PRAM1: variants seen among roughly 807,000 people sequenced by gnomAD.
PRAM1 encodes the protein PML-RARA regulated adaptor molecule 1.
Under a neutral mutation model 55.3 loss-of-function variants are expected in PRAM1, and 41 were observed. The ratio of observed to expected loss-of-function variants is 0.74; its 90% CI spans 0.58 to 0.96. The LOEUF is 0.96. PRAM1 is among the 40% of genes least tolerant of loss of function. The probability of loss-of-function intolerance (pLI) is 0.00; values close to 1 mark genes in which losing one functional copy is unlikely to be tolerated. For missense variants in PRAM1, 898 were observed against 892.7 expected (o/e 1.01, Z -0.08); for synonymous variants, 401 against 387.1 (o/e 1.04, Z -0.42).
Position 8,499,272 on chromosome 19 carries a change from G to A in PRAM1, c.536C>T (p.Pro179Leu). 1 of 1,609,892 alleles carries A rather than the reference G, an allele frequency of 6.2e-7. No individual in the cohort carries two copies. The highest frequency in any genetic ancestry group is 8.5e-7 in the Non-Finnish European group (1 of 1,177,732). The change falls in exon 2 of 10, where the codon CCC (proline) becomes CTC (leucine). Residue 179 changes from proline (P) to leucine (L), a missense_variant. Physicochemically the swap from Pro to Leu is moderately conservative, Grantham distance 98. This residue lies in a region of PRAM1 where 787 missense variants were observed against 735.4 expected (regional missense o/e 1.07). Coordinates refer to ENST00000423345, the MANE Select transcript of PRAM1 (RefSeq NM_032152.5). ...TGCGCCGGATTTGGGTTCGGAGGGG[G>A]GTCTGGCGGGGTGACTGAGTTCGTC... ...QPDELSHPAR[P>L]PSEPKSGAFP...
chr19:8,498,632 T>A lies in PRAM1; in HGVS notation c.1176A>T (p.Ser392=). The change falls in exon 2 of 10, where the codon TCA becomes TCT. Residue 392 remains serine, a synonymous_variant. Coordinates refer to ENST00000423345, the MANE Select transcript of PRAM1 (RefSeq NM_032152.5). ...PPLPSSASES[S]LPAAVAGFSS... is the part of the protein sequence containing the mutation. ...TGAAGCCGGCCACGGCCGCAGGCAG[T>A]GAGCTCTCGGAAGCGGAGCTGGGGA... The A allele has an allele frequency of 6.2e-7, 1 of 1,612,398 alleles. No homozygotes were observed. Among genetic ancestry groups the A allele is most frequent in the Non-Finnish European group, 8.5e-7 (1 of 1,179,574 alleles).
Position 8,494,897 on chromosome 19 carries a change from T to A in PRAM1, c.1576+2867A>T, listed in dbSNP as rs1292857409. ...ATCCACCCGCCTTGGCCTCCCAAAG[T>A]GCTGGGATTACAGGCGTGAGCCACT... On this transcript the variant is annotated intron_variant, in intron 4 of 9. Transcript: ENST00000423345. 4.0e-5 allele frequency among the ~76,000 whole-genome samples: 6 copies of A among 150,778 alleles called. No homozygotes were observed. The East Asian group carries it at 7.8e-4, about 20-fold the overall frequency.
rs1442781488 is a variant in PRAM1 at position 8,490,315 on chromosome 19, G to C, written c.1975+23C>G. ...CCGGGGAATCGCCAGGGTCCCTCCAGCCCTCCCAGAGTGTCCACGTACCGC... is the reference window on the plus strand; with the variant it reads ...CCGGGGAATCGCCAGGGTCCCTCCACCCCTCCCAGAGTGTCCACGTACCGC... On this transcript the variant is annotated intron_variant, in intron 9 of 9. Transcript: ENST00000423345. This position sits in a 1 kb window ranked among gnomAD's most constrained non-coding sequence, Gnocchi z 7.3. 1 of 1,613,966 alleles carries C rather than the reference G, an allele frequency of 6.2e-7. No individual in the cohort carries two copies. Among genetic ancestry groups the C allele is most frequent in the Non-Finnish European group, 8.5e-7 (1 of 1,179,872 alleles).
At chr19:8,501,407 A>T (rs1032114154) in intron 1 of PRAM1, among the ~76,000 whole-genome samples, 4 of 147,914 alleles carry the variant, frequency 2.7e-5, no homozygotes, top group African/African-American at 1.0e-4. Flanking sequence ...TAAATGGATC[A>T]CCCCATCCCA....
At chr19:8,495,533 C>G (rs1234243310) in intron 4 of PRAM1, among the ~76,000 whole-genome samples, 1 of 152,156 alleles carries the variant, frequency 6.6e-6, no homozygotes, top group Non-Finnish European at 1.5e-5. Context: ...AGCTGCCACG[C>G]CGGGCCAGCC....
chr19:8,494,397 A>G (rs186066112), intron 4 of PRAM1, among the ~76,000 whole-genome samples: 1 of 152,310 alleles, frequency 6.6e-6, no homozygotes, highest in East Asian at 1.9e-4. Context: ...GGGCCCCACC[A>G]GGAAGCTGTG....
rs367765345 is a variant in PRAM1, at chr19:8,490,967, A to G, written c.1663T>C (p.Leu555=). Residue 555 remains leucine (L), a synonymous_variant, in exon 6 of 10, where the codon TTG becomes CTG. Coordinates refer to ENST00000423345, the MANE Select transcript of PRAM1 (RefSeq NM_032152.5). This position sits in a 1 kb window ranked among gnomAD's most constrained non-coding sequence, Gnocchi z 7.3. ...AGCAACTTTGGGTCCATGGGTGGCA[A>G]CTGCTGTGGCTGGGGATCCTTCTCC... ...RKEKDPQPQQ[L]PPMDPKLLKQ... The G allele has an allele frequency of 4.6e-5, 75 of 1,613,568 alleles. No individual in the cohort carries two copies. The highest frequency in any genetic ancestry group is 6.2e-5 in the Non-Finnish European group (73 of 1,179,904).
chr19:8,502,605 C>A lies in PRAM1; in HGVS notation c.-14G>T. 1 of 1,550,436 alleles carries A rather than the reference C, an allele frequency of 6.4e-7. No individual in the cohort carries two copies. The stretch of plus-strand genomic sequence containing the variant: ...GTGATGGGCCATGGGATGAGTGGGA[C>A]CCGAGCTGGGGCCGCTGCCTTCAGG... On this transcript the variant is annotated 5_prime_UTR_variant, in exon 1 of 10. Transcript: ENST00000423345.
At position 8,497,844 on chromosome 19, in the gene PRAM1, CG is replaced by C; in HGVS notation, c.1500-5del. The C allele has an allele frequency of 4.6e-6, 5 of 1,075,980 alleles. No homozygotes were observed. The highest frequency in any genetic ancestry group is 5.4e-6 in the Non-Finnish European group (4 of 738,080). 66.7% of individuals were successfully genotyped at this position (1,075,980 alleles called of 1,614,324 possible). A position where few individuals can be genotyped will look rare whatever the true frequency, so the allele number is the denominator to read the frequency against. On this transcript the variant is annotated splice_region_variant and splice_polypyrimidine_tract_variant and intron_variant, in intron 3 of 9. Coordinates refer to ENST00000423345, the MANE Select transcript of PRAM1 (RefSeq NM_032152.5). ...CTCGTAGATCTCATCTGGGACCCTGCGGGGATACCTGAGATGAGGCCTCTTC... is the reference window on the plus strand; with the variant it reads ...CTCGTAGATCTCATCTGGGACCCTGCGGGATACCTGAGATGAGGCCTCTTC...
Position 8,499,403 on chromosome 19 carries a change from C to T in PRAM1, c.405G>A (p.Gly135=). Residue 135 remains glycine, a synonymous_variant, in exon 2 of 10, where the codon GGG becomes GGA. Transcript: ENST00000423345. ...GGGGCTTCCTTGGAAACGGAGTGGC[C>T]CCCAGCTGTGGGAACTTCTTGGAGA... ...SDLSKKFPQL[G]ATPFPRKPLQ... is the part of the protein sequence containing the mutation. The T allele has an allele frequency of 6.2e-7, 1 of 1,612,296 alleles. No homozygotes were observed. The highest frequency in any genetic ancestry group is 8.5e-7 in the Non-Finnish European group (1 of 1,179,846).
At position 8,493,389 on chromosome 19, in the gene PRAM1, CTCT is replaced by C. The variant is rs1971655853; in HGVS notation, c.1577-2235_1577-2233del. On this transcript the variant is annotated intron_variant, in intron 4 of 9. Transcript: ENST00000423345. This position sits in a 1 kb window ranked among gnomAD's most constrained non-coding sequence, Gnocchi z 4.1. Reference sequence around the variant, plus strand: ...ACACAGCCCCTCCAGCTGCTCCTGCCTCTCAGAGGCTTCCCTGGCCGTGAGCAG... The same window carrying C: ...ACACAGCCCCTCCAGCTGCTCCTGCCCAGAGGCTTCCCTGGCCGTGAGCAG... Among the ~76,000 whole-genome samples the C allele has an allele frequency of 6.6e-6, 1 of 152,226 alleles. No homozygotes were observed. The highest frequency in any genetic ancestry group is 2.1e-4 in the South Asian group (1 of 4,832).
In PRAM1 at chr19:8,497,837, G is replaced by C. The variant is rs1464431879; in HGVS notation, c.1503C>G (p.Val501=). 2 of 1,566,576 alleles carry C rather than the reference G, an allele frequency of 1.3e-6. No homozygotes were observed. Among genetic ancestry groups the C allele is most frequent in the Non-Finnish European group, 1.7e-6 (2 of 1,146,266 alleles). ...CATACAGCTCGTAGATCTCATCTGG[G>C]ACCCTGCGGGGATACCTGAGATGAG... The part of the protein sequence containing the change: ...QDRQPEDIPQ[V]PDEIYELYDD... Residue 501 remains valine, a synonymous_variant, in exon 4 of 10, where the codon GTC becomes GTG. Coordinates refer to ENST00000423345, the MANE Select transcript of PRAM1 (RefSeq NM_032152.5).
In PRAM1 at chr19:8,498,370, A is replaced by G; in HGVS notation, c.1432+6T>C. 1.3e-6 allele frequency: 2 copies of G among 1,583,844 alleles called. No individual in the cohort carries two copies. Among genetic ancestry groups the G allele is most frequent in the Non-Finnish European group, 1.7e-6 (2 of 1,165,066 alleles). On this transcript the variant is annotated splice_donor_region_variant and intron_variant, in intron 2 of 9. Transcript: ENST00000423345. Reference sequence around the variant, plus strand: ...GCTCCTGCCGGTGCCGCCCGCCCTCACCCACCTATGGATGCTGCAGAGGGT... The same window carrying G: ...GCTCCTGCCGGTGCCGCCCGCCCTCGCCCACCTATGGATGCTGCAGAGGGT...
rs777396566 is a variant in PRAM1, at chr19:8,490,144, C to T, written c.*45G>A. The stretch of plus-strand genomic sequence containing the variant: ...CCGGGATCCAGGGCTCCTGGGTGAG[C>T]GGGCGCTGGGCTGGCTGGCTGTCCT... On this transcript the variant is annotated 3_prime_UTR_variant, in exon 10 of 10. Coordinates refer to ENST00000423345, the MANE Select transcript of PRAM1 (RefSeq NM_032152.5). The surrounding 1 kb of genome is among the most constrained non-coding windows in gnomAD (Gnocchi z 7.3). The T allele has an allele frequency of 1.2e-5, 18 of 1,494,858 alleles. No individual in the cohort carries two copies. The South Asian group carries it at 1.3e-4, about 11-fold the overall frequency. 92.6% of individuals were successfully genotyped at this position (1,494,858 alleles called of 1,614,324 possible).
intron 1 of PRAM1, among the ~76,000 whole-genome samples, chr19:8,500,651 T>C (rs1374095746): frequency 1.3e-5 from 2 of 152,330 alleles, no homozygotes; most frequent in Admixed American, 6.5e-5. Context: ...TCGGGGCCTC[T>C]GCCCTGTCCC....
intron 4 of PRAM1, among the ~76,000 whole-genome samples, chr19:8,495,628 G>T (rs1286628685): frequency 6.6e-6 from 1 of 151,980 alleles, no homozygotes; most frequent in East Asian, 1.9e-4. Flanking sequence ...GGACAGGCAG[G>T]CAAGGTGCTT....
chr19:8,491,250 T>G (rs1258687716), intron 4 of PRAM1, 93 bp from the exon 5 acceptor site: 1 of 1,349,066 alleles, frequency 7.4e-7, no homozygotes, highest in Non-Finnish European at 1.0e-6. Flanking sequence ...TGTTTTTGTT[T>G]TGAGACGAAG....
chr19:8,499,864 G>A (rs2145797041), intron 1 of PRAM1, 84 bp from the exon 2 acceptor site: 2 of 1,197,158 alleles, frequency 1.7e-6, no homozygotes, highest in Non-Finnish European at 2.3e-6. Context: ...CTCAGGCACA[G>A]CCCACAACCA....
rs1323973627 is a variant in PRAM1 at position 8,490,131 on chromosome 19, G to A, written c.*58C>T. On this transcript the variant is annotated 3_prime_UTR_variant, in exon 10 of 10. Coordinates refer to ENST00000423345, the MANE Select transcript of PRAM1 (RefSeq NM_032152.5). This position sits in a 1 kb window ranked among gnomAD's most constrained non-coding sequence, Gnocchi z 7.3. ...TGACTTTCCCGCGCCGGGATCCAGG[G>A]CTCCTGGGTGAGCGGGCGCTGGGCT... The A allele has an allele frequency of 1.4e-6, 2 of 1,467,334 alleles. No homozygotes were observed. Among genetic ancestry groups the A allele is most frequent in the East Asian group, 2.4e-5 (1 of 41,032 alleles). 90.9% of individuals were successfully genotyped at this position (1,467,334 alleles called of 1,614,324 possible).
Sources: allele counts gnomAD v4.1 joint callset (sites outside exome capture counted in the v4.1 genomes callset), GRCh38; gene constraint gnomAD v4.1.1; regional missense constraint gnomAD v4.1.1; non-coding constraint Gnocchi (gnomAD v3.1); transcripts MANE v1.5; gene names NCBI Gene and HGNC (gene_info 2026-07-23, HGNC 2026-07-21).